Variants in ADAM22 observed in about 807,000 individuals in gnomAD.
ADAM22 encodes ADAM metallopeptidase domain 22.
A neutral mutation model predicts 144.6 loss-of-function variants in ADAM22; 65 were observed. The ratio of observed to expected loss-of-function variants is 0.45; its 90% CI spans 0.37 to 0.55. The LOEUF (loss-of-function observed/expected upper bound fraction) is 0.55, where lower values mean the gene tolerates loss of function less well. Among genes scored for constraint, ADAM22 ranks in the 20% least tolerant of loss-of-function variants. The pLI, the probability that ADAM22 is intolerant of heterozygous loss-of-function variation, is 0.00. For synonymous variants in ADAM22, 391 were observed against 412.6 expected, an observed-to-expected ratio of 0.95 and a Z score of 0.63; for missense variants, 974 against 1,184.9, an observed-to-expected ratio of 0.82 and a Z score of 2.61.
Position 87,985,683 on chromosome 7 carries a change from A to G in ADAM22, c.323+7271A>G, listed in dbSNP as rs1788309813. Among the ~76,000 whole-genome samples, 5 of 152,190 alleles carry G rather than the reference A, an allele frequency of 3.3e-5. No individual in the cohort carries two copies. In the South Asian group the frequency reaches 1.0e-3, roughly 31 times the overall value. Reference sequence around the variant, plus strand: ...AAATATTATTGCATTGTATTGATATATCACATTGTGACTATCCATTCACCC... The same window carrying G: ...AAATATTATTGCATTGTATTGATATGTCACATTGTGACTATCCATTCACCC... On this transcript the variant is annotated intron_variant, in intron 3 of 31. Coordinates refer to ENST00000413139, the MANE Select transcript of ADAM22 (RefSeq NM_001324418.2).
At chr7:87,983,335 A>G (rs1854182719) in intron 3 of ADAM22, among the ~76,000 whole-genome samples, 1 of 139,102 alleles carries the variant, frequency 7.2e-6, no homozygotes, top group Non-Finnish European at 1.7e-5. Context: ...GCATTCTCTT[A>G]TATGTCAGTA....
intron 3 of ADAM22, among the ~76,000 whole-genome samples, chr7:87,993,537 C>CTTA (rs987582414): frequency 6.6e-6 from 1 of 152,188 alleles, no homozygotes; most frequent in African/African-American, 2.4e-5. Flanking sequence ...ACCACCTGAA[C>CTTA]TTATAGCTTC....
intron 4 of ADAM22, among the ~76,000 whole-genome samples, chr7:88,086,792 A>C (rs976117281): frequency 6.6e-6 from 1 of 152,232 alleles, no homozygotes; most frequent in Non-Finnish European, 1.5e-5. Flanking sequence ...AGTCTCAGCC[A>C]TGCAGTTTGC....
chr7:88,067,622 A>G (rs537285418), intron 3 of ADAM22, among the ~76,000 whole-genome samples: 2 of 152,152 alleles, frequency 1.3e-5, no homozygotes, highest in African/African-American at 4.8e-5. Flanking sequence ...GCATTTTTTT[A>G]AAAAATCTGA....
intron 3 of ADAM22, among the ~76,000 whole-genome samples, chr7:87,984,107 T>C (rs1428994604): frequency 2.6e-5 from 4 of 152,244 alleles, no homozygotes; most frequent in African/African-American, 9.6e-5. Context: ...TTACAATTCC[T>C]ATTTTTTATC....
At chr7:88,195,769 G>C (rs544957360) in intron 31 of ADAM22, among the ~76,000 whole-genome samples, 1 of 151,820 alleles carries the variant, frequency 6.6e-6, no homozygotes, top group African/African-American at 2.4e-5. Context: ...TGCCCATCTC[G>C]GCCTCCCAAA....
intron 3 of ADAM22, among the ~76,000 whole-genome samples, chr7:88,039,467 A>T (rs1802526278): frequency 7.9e-6 from 1 of 127,078 alleles, no homozygotes; most frequent in African/African-American, 2.9e-5. Context: ...AAAAAAAAAT[A>T]TATATATATA....
intron 3 of ADAM22, among the ~76,000 whole-genome samples, chr7:88,051,863 G>A (rs1008720925): frequency 1.3e-5 from 2 of 151,616 alleles, no homozygotes; most frequent in African/African-American, 2.4e-5. Flanking sequence ...CCACTGAGTA[G>A]GAGTTATGAG....
chr7:87,939,139 G>GA, intron 2 of ADAM22, among the ~76,000 whole-genome samples: 1 of 152,180 alleles, frequency 6.6e-6, no homozygotes, highest in Non-Finnish European at 1.5e-5. Flanking sequence ...CGGAGGCAGA[G>GA]AAGGCTAGTA....
chr7:88,008,211 C>G (rs1335049580), intron 3 of ADAM22, among the ~76,000 whole-genome samples: 1 of 151,160 alleles, frequency 6.6e-6, no homozygotes, highest in Non-Finnish European at 1.5e-5. Flanking sequence ...TACCATCTCA[C>G]ACCAGTTAGA....
At chr7:88,029,917 G>A (rs929598916) in intron 3 of ADAM22, among the ~76,000 whole-genome samples, 5 of 151,458 alleles carry the variant, frequency 3.3e-5, no homozygotes, top group Admixed American at 2.6e-4. Flanking sequence ...TTGACCTTTG[G>A]GAGTCTGATT....
intron 4 of ADAM22, among the ~76,000 whole-genome samples, chr7:88,079,945 G>A (rs1815995826): frequency 6.6e-6 from 1 of 152,178 alleles, no homozygotes; most frequent in Admixed American, 6.5e-5. Context: ...CAACGACACA[G>A]AAAGTTAAGA....
rs762155667 is a variant in ADAM22, at chr7:88,055,786, G to A, written c.324-19840G>A. Among the ~76,000 whole-genome samples the A allele has an allele frequency of 9.2e-5, 14 of 152,040 alleles. 1 individual carries two copies. Among genetic ancestry groups the A allele is most frequent in the Admixed American group, 2.6e-4 (4 of 15,258 alleles). On this transcript the variant is annotated intron_variant, in intron 3 of 31. Coordinates refer to ENST00000413139, the MANE Select transcript of ADAM22 (RefSeq NM_001324418.2). ...TAACACACCTTTCATAACGCTTTTCGTTTATTTATTTATGTGCCCTTTTAA... is the reference window on the plus strand; with the variant it reads ...TAACACACCTTTCATAACGCTTTTCATTTATTTATTTATGTGCCCTTTTAA...
chr7:88,025,649 G>C (rs557831763), intron 3 of ADAM22, among the ~76,000 whole-genome samples: 1 of 152,168 alleles, frequency 6.6e-6, no homozygotes, highest in Admixed American at 6.5e-5. Context: ...TATATTCTTG[G>C]CACCTTTGTT....
At chr7:87,952,858 G>A (rs1272225337) in intron 2 of ADAM22, among the ~76,000 whole-genome samples, 2 of 152,046 alleles carry the variant, frequency 1.3e-5, no homozygotes, top group South Asian at 2.1e-4. Context: ...ACTTCTTCCC[G>A]GTTTAGTCTT....
rs990632470 is a variant in ADAM22 at position 88,042,122 on chromosome 7, A to G, written c.324-33504A>G. Among the ~76,000 whole-genome samples, 26 of 152,032 alleles carry G rather than the reference A, an allele frequency of 1.7e-4. No homozygotes were observed. The South Asian group carries it at 2.9e-3, about 17-fold the overall frequency. On this transcript the variant is annotated intron_variant, in intron 3 of 31. Coordinates refer to ENST00000413139, the MANE Select transcript of ADAM22 (RefSeq NM_001324418.2). ...CTGTACTGTCTAAATCATTTCTCCA[A>G]TCTAAGAAGAAAGTTTATCTTCAGG...
At chr7:87,997,791 C>T (rs1791576591) in intron 3 of ADAM22, among the ~76,000 whole-genome samples, 1 of 152,338 alleles carries the variant, frequency 6.6e-6, no homozygotes, top group Admixed American at 6.5e-5. Flanking sequence ...CCTTCCTCTT[C>T]TGCTTCTAAG....
At chr7:88,165,141 A>G (rs1400288045) in intron 23 of ADAM22, among the ~76,000 whole-genome samples, 1 of 152,040 alleles carries the variant, frequency 6.6e-6, no homozygotes, top group Non-Finnish European at 1.5e-5. Flanking sequence ...TCTCTACTCA[A>G]GGTTGTTTTG....
intron 2 of ADAM22, among the ~76,000 whole-genome samples, chr7:87,954,829 G>T (rs1846234506): frequency 6.6e-6 from 1 of 152,084 alleles, no homozygotes; most frequent in African/African-American, 2.4e-5. Flanking sequence ...TTTCTTGGAG[G>T]CTTTGCTCAT....
Sources: allele counts gnomAD v4.1 joint callset (sites outside exome capture counted in the v4.1 genomes callset), GRCh38; gene constraint gnomAD v4.1.1; transcripts MANE v1.5; gene names NCBI Gene and HGNC (gene_info 2026-07-23, HGNC 2026-07-21).